Variants in PUS7L observed in about 807,000 individuals in gnomAD.
The protein encoded by PUS7L is pseudouridine synthase 7 like, also known as pseudouridylate synthase PUS7L.
A neutral mutation model predicts 51.1 loss-of-function variants in PUS7L; 49 were observed. That is an observed-to-expected ratio of 0.96 (90% CI 0.76 to 1.22). The LOEUF is 1.22. Among genes scored for constraint, PUS7L ranks in the 50% most tolerant of loss-of-function variants. The pLI is 0.00. For synonymous variants in PUS7L, 277 were observed against 276.2 expected (o/e 1.00, Z -0.03); for missense variants, 828 against 820.6 (o/e 1.01, Z -0.11).
At chr12:43,740,151 T>C (rs951817585) in intron 5 of PUS7L, among the ~76,000 whole-genome samples, 9 of 152,214 alleles carry the variant, frequency 5.9e-5, no homozygotes, top group Non-Finnish European at 1.2e-4. Context: ...TTAAAAGATG[T>C]TCCTTTTTTA....
rs893496619 is a variant in PUS7L at position 43,727,871 on chromosome 12, T to A, written c.*2505A>T. 6.6e-5 allele frequency: 10 copies of A among 151,912 alleles called. No homozygotes were observed. Among genetic ancestry groups the A allele is most frequent in the African/African-American group, 2.4e-4 (10 of 41,342 alleles). 9.4% of individuals were successfully genotyped at this position (151,912 alleles called of 1,614,324 possible). ...AGAAAAAATAAAAATAAAGCAAAAC[T>A]TTGGAAATGGGGCTATAGAAGGTCA... On this transcript the variant is annotated 3_prime_UTR_variant, in exon 9 of 9. Transcript: ENST00000344862.
rs759000123 is a variant in PUS7L, at chr12:43,754,514, A to G, written c.732T>C (p.Ala244=). The change falls in exon 2 of 9, where the codon GCT becomes GCC. Residue 244 remains alanine (A), a synonymous_variant. Coordinates refer to ENST00000344862, the MANE Select transcript of PUS7L (RefSeq NM_031292.5). The part of the protein sequence containing the change: ...KPDTNKDHRK[A]VHHFVNKKFG... ...ACTTTTTGTTGACAAAATGGTGGAC[A>G]GCTTTTCTGTGGTCTTTGTTTGTAT... is the stretch of plus-strand genomic sequence containing the variant. 6.2e-7 allele frequency: 1 copy of G among 1,613,600 alleles called. No individual in the cohort carries two copies. The highest frequency in any genetic ancestry group is 8.5e-7 in the Non-Finnish European group (1 of 1,179,772).
intron 5 of PUS7L, among the ~76,000 whole-genome samples, chr12:43,740,122 T>A (rs1006408633): frequency 3.8e-4 from 58 of 152,314 alleles, no homozygotes; most frequent in Admixed American, 3.3e-3. Context: ...CCAAATTTAA[T>A]ATTTTAAATC....
intron 3 of PUS7L, among the ~76,000 whole-genome samples, chr12:43,747,576 C>A (rs1239754257): frequency 6.6e-6 from 1 of 151,766 alleles, no homozygotes; most frequent in Non-Finnish European, 1.5e-5. Flanking sequence ...CGCCTGTAAT[C>A]CCAGCTACTC....
At position 43,736,238 on chromosome 12, in the gene PUS7L, A is replaced by G. The variant is rs139833216; in HGVS notation, c.1725+143T>C. On this transcript the variant is annotated intron_variant, in intron 7 of 8. Transcript: ENST00000344862. ...TAAGCCTAAACTGACAGCAGACTTG[A>G]AGCAGGAGATGAGTAAATATAAGTA... is the stretch of plus-strand genomic sequence containing the variant. 93 of 710,594 alleles carry G rather than the reference A, an allele frequency of 1.3e-4. No homozygotes were observed. In the East Asian group the frequency reaches 2.5e-3, roughly 19 times the overall value. The allele number at this position is 710,594 out of a possible 1,614,324, so 44.0% of individuals were successfully genotyped here.
rs1456836395 is a variant in PUS7L, at chr12:43,729,298, G to C, written c.*1078C>G. On this transcript the variant is annotated 3_prime_UTR_variant, in exon 9 of 9. Transcript: ENST00000344862. ...CCTAATGCTAACATTTCCCAAAATG[G>C]TTAAACTGGCTTAAGTATATATATC... The C allele has an allele frequency of 2.5e-6, 1 of 396,762 alleles. No individual in the cohort carries two copies. The highest frequency in any genetic ancestry group is 2.1e-5 in the African/African-American group (1 of 48,490). 24.6% of individuals were successfully genotyped at this position (396,762 alleles called of 1,614,324 possible).
intron 7 of PUS7L, 135 bp from the exon 8 acceptor site, chr12:43,731,893 C>A: frequency 1.7e-6 from 1 of 601,430 alleles, no homozygotes. Context: ...AAGATCTTAT[C>A]ATAATTTGTT....
chr12:43,737,574 A>G (rs1937672188), intron 6 of PUS7L, among the ~76,000 whole-genome samples: 1 of 150,516 alleles, frequency 6.6e-6, no homozygotes, highest in Non-Finnish European at 1.5e-5. Context: ...AATAAAGGTA[A>G]TATTTATAAT....
intron 5 of PUS7L, chr12:43,738,819 C>A: frequency 6.6e-6 from 2 of 303,202 alleles, no homozygotes; most frequent in South Asian, 4.5e-5. Flanking sequence ...TTTTTGCAGT[C>A]ATTTCAGGTT....
rs1263030158 is a variant in PUS7L at position 43,721,221 on chromosome 12, G to A, written c.*9155C>T. 1.3e-5 allele frequency: 2 copies of A among 152,060 alleles called. No homozygotes were observed. Among genetic ancestry groups the A allele is most frequent in the South Asian group, 2.1e-4 (1 of 4,826 alleles). 9.4% of individuals were successfully genotyped at this position (152,060 alleles called of 1,614,324 possible). On this transcript the variant is annotated 3_prime_UTR_variant, in exon 9 of 9. Transcript: ENST00000344862. ...ATCATCATGCCCTTAAAACCAAAAA[G>A]GGCCAGGTTAGACTCTCTTTACAAT... is the stretch of plus-strand genomic sequence containing the variant.
Position 43,754,341 on chromosome 12 carries a change from T to C in PUS7L, c.905A>G (p.Tyr302Cys). The C allele has an allele frequency of 6.3e-7, 1 of 1,578,252 alleles. No homozygotes were observed. The highest frequency in any genetic ancestry group is 8.6e-7 in the Non-Finnish European group (1 of 1,160,986). ...ATGATGATTTATTAAATTACCTGTATATATAACTTTTCCTTCTTGGCATTC... is the reference window on the plus strand; with the variant it reads ...ATGATGATTTATTAAATTACCTGTACATATAACTTTTCCTTCTTGGCATTC... ...LSECQEGKVI[Y>C]TAFTLRKENL... is the part of the protein sequence containing the mutation. The change falls in exon 2 of 9, where the codon TAT (tyrosine) becomes TGT (cysteine). Residue 302 changes from tyrosine to cysteine, a missense_variant. Transcript: ENST00000344862.
At position 43,722,522 on chromosome 12, in the gene PUS7L, T is replaced by C. The variant is rs1944409075; in HGVS notation, c.*7854A>G. Reference sequence around the variant, plus strand: ...TATTGCCTCCTAAATGTGAAAATTATATTATTATTTACATAGAATAAAAAT... The same window carrying C: ...TATTGCCTCCTAAATGTGAAAATTACATTATTATTTACATAGAATAAAAAT... On this transcript the variant is annotated 3_prime_UTR_variant, in exon 9 of 9. Transcript: ENST00000344862. 3 of 152,264 alleles carry C rather than the reference T, an allele frequency of 2.0e-5. No homozygotes were observed. The South Asian group carries it at 6.2e-4, about 32-fold the overall frequency. 9.4% of individuals were successfully genotyped at this position (152,264 alleles called of 1,614,324 possible).
chr12:43,736,921 C>A (rs1162721758), intron 6 of PUS7L, among the ~76,000 whole-genome samples: 2 of 149,004 alleles, frequency 1.3e-5, no homozygotes, highest in Non-Finnish European at 3.0e-5. Flanking sequence ...AAGTCCCTTA[C>A]TTCAGAATAG....
At chr12:43,758,105 G>T (rs191090872) in intron 1 of PUS7L, among the ~76,000 whole-genome samples, 1 of 152,338 alleles carries the variant, frequency 6.6e-6, no homozygotes, top group East Asian at 1.9e-4. Flanking sequence ...AACAGTTAGA[G>T]GAGTTCAAAA....
At position 43,754,711 on chromosome 12, in the gene PUS7L, T is replaced by C. The variant is rs753887065; in HGVS notation, c.535A>G (p.Ile179Val). 1.9e-6 allele frequency: 3 copies of C among 1,613,982 alleles called. No individual in the cohort carries two copies. The highest frequency in any genetic ancestry group is 2.2e-5 in the East Asian group (1 of 44,862). ...ACTAAAAATGGAAATTTCTGCCTAA[T>C]GGCACTGTGTAAACTAGCCCTCTGG... ...KNQRASLHSA[I>V]RQKFPFLVTV... Residue 179 changes from isoleucine (I) to valine (V), a missense_variant, in exon 2 of 9, where the codon ATT becomes GTT. Coordinates refer to ENST00000344862, the MANE Select transcript of PUS7L (RefSeq NM_031292.5).
chr12:43,730,362 C>T lies in PUS7L; in HGVS notation c.*14G>A, dbSNP rs767074631. The stretch of plus-strand genomic sequence containing the variant: ...AAGAGTGACATATATATGGTTATAC[C>T]AAGGGTATCAGTTTTAAACGTCATG... On this transcript the variant is annotated 3_prime_UTR_variant, in exon 9 of 9. Coordinates refer to ENST00000344862, the MANE Select transcript of PUS7L (RefSeq NM_031292.5). 6.2e-7 allele frequency: 1 copy of T among 1,601,798 alleles called. No homozygotes were observed. The highest frequency in any genetic ancestry group is 1.3e-5 in the African/African-American group (1 of 74,592).
intron 4 of PUS7L, among the ~76,000 whole-genome samples, chr12:43,744,196 G>C (rs1938053172): frequency 6.6e-6 from 1 of 152,192 alleles, no homozygotes; most frequent in Non-Finnish European, 1.5e-5. Flanking sequence ...TAGAATTTTA[G>C]GTGGGTCAAG....
At chr12:43,731,652 G>A (rs1296221853) in intron 8 of PUS7L, 53 bp downstream of exon 8, 1 of 1,007,432 alleles carries the variant, frequency 9.9e-7, no homozygotes, top group Admixed American at 2.6e-5. Context: ...TTGCTTTTTG[G>A]GGACAATGTC....
chr12:43,743,356 A>G (rs544138123), intron 4 of PUS7L, among the ~76,000 whole-genome samples: 3 of 152,260 alleles, frequency 2.0e-5, no homozygotes, highest in Non-Finnish European at 4.4e-5. Context: ...GCATTTATTC[A>G]GTCAACAATT....
Sources: allele counts gnomAD v4.1 joint callset (sites outside exome capture counted in the v4.1 genomes callset), GRCh38; gene constraint gnomAD v4.1.1; transcripts MANE v1.5; gene names NCBI Gene and HGNC (gene_info 2026-07-23, HGNC 2026-07-21).